The following RC3H2 variants were observed in gnomAD, a reference collection of about 807,000 sequenced individuals.
RC3H2 encodes the protein ring finger and CCCH-type domains 2.
In RC3H2, 31 loss-of-function variants were observed where a neutral mutation model predicts 133.3. The observed-to-expected ratio is 0.23, with a 90% CI of 0.17 to 0.31. The LOEUF (loss-of-function observed/expected upper bound fraction) is 0.31. RC3H2 is among the 10% of genes least tolerant of loss of function. RC3H2 has a pLI of 1.00. For missense variants in RC3H2, 1,175 were observed against 1,437.2 expected, an observed-to-expected ratio of 0.82 and a Z score of 2.95; for synonymous variants, 517 against 502.2, an observed-to-expected ratio of 1.03 and a Z score of -0.40.
At chr9:122,887,753 T>G (rs1033997152) in intron 4 of RC3H2, among the ~76,000 whole-genome samples, 1 of 150,658 alleles carries the variant, frequency 6.6e-6, no homozygotes, top group East Asian at 1.9e-4. Flanking sequence ...TTTTTTTTTT[T>G]TTTTTTTTTG....
Position 122,894,397 on chromosome 9 carries a change from A to G in RC3H2, c.232-1371T>C, listed in dbSNP as rs536809919. 1.7e-4 allele frequency among the ~76,000 whole-genome samples: 26 copies of G among 152,318 alleles called. No individual in the cohort carries two copies. In the South Asian group the frequency reaches 5.4e-3, roughly 32 times the overall value. ...AATGTTTTGCCTTTGTGGAGCTCAC[A>G]TTCTAGTGGAGAGGAGAAGAGGTAG... On this transcript the variant is annotated intron_variant, in intron 2 of 20. Transcript: ENST00000357244.
Position 122,899,214 on chromosome 9 carries a change from C to T in RC3H2, c.-67-1638G>A, listed in dbSNP as rs536036001. Among the ~76,000 whole-genome samples the T allele has an allele frequency of 2.3e-3, 349 of 150,586 alleles. 1 individual carries two copies. Among genetic ancestry groups the T allele is most frequent in the Admixed American group, 4.7e-3 (71 of 15,068 alleles). Reference sequence around the variant, plus strand: ...GCCTCCCAGGTTCAAGTGATTCTCCCGCCTTGGCCTCCCAAGTAACTGGGA... The same window carrying T: ...GCCTCCCAGGTTCAAGTGATTCTCCTGCCTTGGCCTCCCAAGTAACTGGGA... On this transcript the variant is annotated intron_variant, in intron 1 of 20. Coordinates refer to ENST00000357244, the MANE Select transcript of RC3H2 (RefSeq NM_001100588.3).
At chr9:122,899,097 T>G (rs1318492924) in intron 1 of RC3H2, among the ~76,000 whole-genome samples, 7 of 131,964 alleles carry the variant, frequency 5.3e-5, no homozygotes, top group South Asian at 2.6e-4. Flanking sequence ...TGTGTTTTTT[T>G]TTTTTTTTTT....
At chr9:122,898,263 T>G (rs1195485554) in intron 1 of RC3H2, among the ~76,000 whole-genome samples, 1 of 152,216 alleles carries the variant, frequency 6.6e-6, no homozygotes, top group Non-Finnish European at 1.5e-5. Flanking sequence ...CTTAAATATC[T>G]TGTATTGTTC....
chr9:122,850,236 A>G (rs1047763293), intron 20 of RC3H2, among the ~76,000 whole-genome samples: 2 of 151,976 alleles, frequency 1.3e-5, no homozygotes, highest in African/African-American at 4.8e-5. Flanking sequence ...CGGCCTCCCA[A>G]AGTGCTGGGA....
chr9:122,898,515 C>T (rs1196786679), intron 1 of RC3H2, among the ~76,000 whole-genome samples: 2 of 151,962 alleles, frequency 1.3e-5, no homozygotes, highest in Admixed American at 6.6e-5. Flanking sequence ...TTTGAGAGGC[C>T]GAGGTGGGAG....
intron 1 of RC3H2, among the ~76,000 whole-genome samples, chr9:122,902,725 T>G (rs1832702659): frequency 6.6e-6 from 1 of 151,796 alleles, no homozygotes; most frequent in Non-Finnish European, 1.5e-5. Context: ...AGTGGTGCCT[T>G]CCTGTAATCC....
chr9:122,854,316 A>C, intron 16 of RC3H2, 50 bp from the exon 17 acceptor site: 1 of 1,462,876 alleles, frequency 6.8e-7, no homozygotes, highest in East Asian at 2.3e-5. Flanking sequence ...GAATGAAGCA[A>C]CAAAAGCAGT....
chr9:122,879,905 G>C (rs374121874), intron 7 of RC3H2, 32 bp from the exon 8 acceptor site: 272 of 1,611,306 alleles, frequency 1.7e-4, no homozygotes, highest in Non-Finnish European at 2.1e-4. Context: ...ATGGGGGTTG[G>C]GGGGGAAGAA....
intron 2 of RC3H2, among the ~76,000 whole-genome samples, chr9:122,894,101 T>C (rs1371011410): frequency 6.6e-6 from 1 of 151,702 alleles, no homozygotes; most frequent in Non-Finnish European, 1.5e-5. Context: ...CTACTAAAAA[T>C]ACAAAAAATT....
chr9:122,885,574 T>G (rs1831876421), intron 4 of RC3H2, among the ~76,000 whole-genome samples: 1 of 152,224 alleles, frequency 6.6e-6, no homozygotes, highest in African/African-American at 2.4e-5. Flanking sequence ...TGCACCAATC[T>G]AATAGAACCA....
At chr9:122,873,443 T>C (rs1444500510) in intron 9 of RC3H2, among the ~76,000 whole-genome samples, 2 of 152,226 alleles carry the variant, frequency 1.3e-5, no homozygotes, top group East Asian at 1.9e-4. Context: ...CCAGGTGCCA[T>C]GGCTCATGCC....
rs1424907798 is a variant in RC3H2, at chr9:122,861,507, A to C, written c.1635-1376T>G. Among the ~76,000 whole-genome samples the C allele has an allele frequency of 6.8e-4, 5 of 7,326 alleles. No individual in the cohort carries two copies. In the Admixed American group the frequency reaches 8.5e-3, roughly 12 times the overall value. The allele number at this position is 7,326 out of a possible 152,430, so 4.8% of individuals were successfully genotyped here. ...CTCCGTCTCAAAAAAAAAAAAAAAA[A>C]AAGAAAAGAAAAAAAACCATATATA... On this transcript the variant is annotated intron_variant, in intron 10 of 20. Transcript: ENST00000357244.
At chr9:122,881,818 C>A (rs975883481) in intron 5 of RC3H2, among the ~76,000 whole-genome samples, 1 of 152,156 alleles carries the variant, frequency 6.6e-6, no homozygotes, top group Non-Finnish European at 1.5e-5. Context: ...AACCACTGCA[C>A]AGAGCTGATT....
chr9:122,873,545 C>CA (rs1338681025), intron 9 of RC3H2, among the ~76,000 whole-genome samples: 1 of 151,766 alleles, frequency 6.6e-6, no homozygotes, highest in African/African-American at 2.4e-5. Flanking sequence ...CCCATCTCTA[C>CA]AAAAAATATA....
rs372086743 is a variant in RC3H2 at position 122,858,868 on chromosome 9, T to C, written c.2084A>G (p.Tyr695Cys). ...TGGGCGCCAGATGCGCCTGCTGTCG[T>C]ACACAGGAGCATACATTCCAGAAGG... Reference protein sequence around the residue: ...PVPSGMYAPVYDSRRIWRPPM... With the variant: ...PVPSGMYAPVCDSRRIWRPPM... Residue 695 changes from tyrosine (Y) to cysteine (C), a missense_variant, in exon 12 of 21, where the codon TAC (tyrosine) becomes TGC (cysteine). Coordinates refer to ENST00000357244, the MANE Select transcript of RC3H2 (RefSeq NM_001100588.3). 6.2e-7 allele frequency: 1 copy of C among 1,614,288 alleles called. No individual in the cohort carries two copies. The highest frequency in any genetic ancestry group is 1.3e-5 in the African/African-American group (1 of 75,082).
In RC3H2 at chr9:122,850,902, A is replaced by G. The variant is rs773227534; in HGVS notation, c.3380+179T>C. Among the ~76,000 whole-genome samples, 31 of 152,242 alleles carry G rather than the reference A, an allele frequency of 2.0e-4. 1 individual carries two copies. Among genetic ancestry groups the G allele is most frequent in the Non-Finnish European group, 1.5e-5 (1 of 68,048 alleles). ...AACAAAAAGCAAGTTTCAGGCTACC[A>G]AAATGGACTGCTTTGTTAGTTCAAT... On this transcript the variant is annotated intron_variant, in intron 20 of 20. Coordinates refer to ENST00000357244, the MANE Select transcript of RC3H2 (RefSeq NM_001100588.3).
In RC3H2 at chr9:122,879,254, C is replaced by T. The variant is rs186772366; in HGVS notation, c.1212+501G>A. ...ACAAAAAATACAAAAATTAGCAGGG[C>T]GTGGTGGCACTTGCCTGTAATCCCA... On this transcript the variant is annotated intron_variant, in intron 8 of 20. Coordinates refer to ENST00000357244, the MANE Select transcript of RC3H2 (RefSeq NM_001100588.3). 2.9e-3 allele frequency among the ~76,000 whole-genome samples: 442 copies of T among 151,678 alleles called. 5 individuals carry two copies. The highest frequency in any genetic ancestry group is 9.8e-3 in the African/African-American group (404 of 41,432).
Position 122,882,125 on chromosome 9 carries a change from C to T in RC3H2, c.759+1079G>A, listed in dbSNP as rs568543765. Among the ~76,000 whole-genome samples the T allele has an allele frequency of 2.0e-5, 3 of 152,200 alleles. No individual in the cohort carries two copies. The East Asian group carries it at 5.8e-4, about 29-fold the overall frequency. Reference sequence around the variant, plus strand: ...AATGAAAAGAAGAAATGTTCTGCTACCAGAGAAATTATCATCAGGGTATTT... The same window carrying T: ...AATGAAAAGAAGAAATGTTCTGCTATCAGAGAAATTATCATCAGGGTATTT... On this transcript the variant is annotated intron_variant, in intron 5 of 20. Transcript: ENST00000357244.
Sources: gnomAD v4.1 joint callset for allele counts (sites outside exome capture counted in the v4.1 genomes callset) on GRCh38, gnomAD v4.1.1 for gene constraint, MANE v1.5 for transcripts, NCBI Gene and HGNC (gene_info 2026-07-23, HGNC 2026-07-21) for gene names.